Variants in GALNT13 observed in about 807,000 individuals in gnomAD.
GALNT13 encodes the protein UDP-GalNAc:polypeptide N-acetylgalactosaminyltransferase 13.
GALNT13 carries 28 observed loss-of-function variants against 64.2 expected under a neutral mutation model. The ratio of observed to expected loss-of-function variants is 0.44; its 90% CI spans 0.32 to 0.60. The LOEUF (loss-of-function observed/expected upper bound fraction) is 0.60, where lower values mean the gene tolerates loss of function less well. Ranked by LOEUF, GALNT13 falls within the 20% of genes least tolerant of loss-of-function variation. GALNT13 has a pLI of 0.05. For synonymous variants in GALNT13, 214 were observed against 224.6 expected, an observed-to-expected ratio of 0.95 and a Z score of 0.42; for missense variants, 577 against 669.8, an observed-to-expected ratio of 0.86 and a Z score of 1.53.
At chr2:153,671,326 A>G in the GALNT13 span, among the ~76,000 whole-genome samples, 1 of 152,174 alleles carries the variant, frequency 6.6e-6, no homozygotes, top group South Asian at 2.1e-4. Context: ...CCACAAAGGG[A>G]AGCTCGTCAG....
rs373307601 is a variant in GALNT13 at position 154,298,646 on chromosome 2, C to T, written c.976-2763C>T. 1.5e-4 allele frequency among the ~76,000 whole-genome samples: 2 copies of T among 13,400 alleles called. 1 individual carries two copies. Among genetic ancestry groups the T allele is most frequent in the African/African-American group, 8.8e-4 (2 of 2,264 alleles). The allele number at this position is 13,400 out of a possible 152,430, so 8.8% of individuals were successfully genotyped here. ...ACATTGTATATATAATTTATATATA[C>T]ATTGTATATACAATTTATATATACA... is the stretch of plus-strand genomic sequence containing the variant. On this transcript the variant is annotated intron_variant, in intron 8 of 12. Coordinates refer to ENST00000392825, the MANE Select transcript of GALNT13 (RefSeq NM_052917.4).
At chr2:153,588,793 T>C in the GALNT13 span, among the ~76,000 whole-genome samples, 1 of 152,206 alleles carries the variant, frequency 6.6e-6, no homozygotes, top group African/African-American at 2.4e-5. Flanking sequence ...TTTTCTGAAC[T>C]TTTATGCTGT....
intron 3 of GALNT13, among the ~76,000 whole-genome samples, chr2:154,130,331 AC>A (rs1682536979): frequency 6.6e-6 from 1 of 152,140 alleles, no homozygotes; most frequent in Non-Finnish European, 1.5e-5. Flanking sequence ...GAGGTCAGCA[AC>A]CCGAAGCAGA....
chr2:153,456,392 A>G, the GALNT13 span, among the ~76,000 whole-genome samples: 7 of 152,176 alleles, frequency 4.6e-5, no homozygotes, highest in African/African-American at 1.2e-4. Flanking sequence ...GATTTGATCT[A>G]TCCTCCAAAG....
chr2:153,442,323 T>G, the GALNT13 span, among the ~76,000 whole-genome samples: 1 of 152,216 alleles, frequency 6.6e-6, no homozygotes, highest in East Asian at 1.9e-4. Flanking sequence ...GATAAGTTTT[T>G]GATGTGCTGC....
At chr2:153,726,275 A>G in the GALNT13 span, among the ~76,000 whole-genome samples, 1 of 152,166 alleles carries the variant, frequency 6.6e-6, no homozygotes, top group Non-Finnish European at 1.5e-5. Context: ...TGAATGATTG[A>G]CTGAAATGTT....
At chr2:153,915,225 A>AT (rs944046522) in intron 2 of GALNT13, among the ~76,000 whole-genome samples, 5 of 151,976 alleles carry the variant, frequency 3.3e-5, no homozygotes, top group African/African-American at 7.2e-5. Flanking sequence ...GAATATGAGG[A>AT]TTTTTTTCAC....
chr2:154,301,387 C>T (rs1429761173), intron 8 of GALNT13, 22 bp from the exon 9 acceptor site: 2 of 1,594,464 alleles, frequency 1.3e-6, no homozygotes, highest in South Asian at 2.2e-5. Flanking sequence ...GCATTATTTA[C>T]AATGATTGTT....
At chr2:154,141,786 T>G (rs1323001959) in intron 4 of GALNT13, among the ~76,000 whole-genome samples, 1 of 152,208 alleles carries the variant, frequency 6.6e-6, no homozygotes, top group Non-Finnish European at 1.5e-5. Flanking sequence ...CAATTTATAC[T>G]GCTGTTTATA....
At chr2:154,161,604 C>T (rs1684725840) in intron 4 of GALNT13, among the ~76,000 whole-genome samples, 1 of 152,054 alleles carries the variant, frequency 6.6e-6, no homozygotes. Context: ...CTCAAGAACT[C>T]AAGGAATAAA....
chr2:153,520,723 C>T, the GALNT13 span, among the ~76,000 whole-genome samples: 1 of 152,176 alleles, frequency 6.6e-6, no homozygotes, highest in African/African-American at 2.4e-5. Context: ...AAGACATTTT[C>T]TCTTCTATTT....
the GALNT13 span, among the ~76,000 whole-genome samples, chr2:153,763,018 C>T: frequency 6.6e-6 from 1 of 151,764 alleles, no homozygotes; most frequent in South Asian, 2.1e-4. Context: ...AGTTACAAAA[C>T]TCTACACTTT....
At chr2:153,222,963 C>G in the GALNT13 span, among the ~76,000 whole-genome samples, 2 of 152,176 alleles carry the variant, frequency 1.3e-5, no homozygotes, top group Non-Finnish European at 2.9e-5. Context: ...CCTCCTGCCC[C>G]CTGACTCGGT....
chr2:153,700,232 A>G, the GALNT13 span, among the ~76,000 whole-genome samples: 1 of 152,234 alleles, frequency 6.6e-6, no homozygotes, highest in South Asian at 2.1e-4. Context: ...AAACAGAACC[A>G]ATGACAAAAA....
At chr2:153,734,162 G>C in the GALNT13 span, among the ~76,000 whole-genome samples, 1 of 152,054 alleles carries the variant, frequency 6.6e-6, no homozygotes, top group Non-Finnish European at 1.5e-5. Flanking sequence ...ACACTCAAAG[G>C]TGCTTGTTTT....
intron 9 of GALNT13, among the ~76,000 whole-genome samples, chr2:154,315,057 A>G (rs1008352134): frequency 6.6e-5 from 10 of 152,268 alleles, no homozygotes; most frequent in African/African-American, 2.2e-4. Flanking sequence ...TTCTCTACCA[A>G]ATAATAATAT....
the GALNT13 span, chr2:153,172,224 G>C: frequency 6.6e-6 from 1 of 152,088 alleles, no homozygotes; most frequent in Non-Finnish European, 1.5e-5. Flanking sequence ...TCTACCTGTG[G>C]GAGACTGTAT....
chr2:153,580,994 A>T, the GALNT13 span, among the ~76,000 whole-genome samples: 1 of 152,180 alleles, frequency 6.6e-6, no homozygotes, highest in East Asian at 1.9e-4. Context: ...TCACTGGTAT[A>T]ATCCAGATTC....
Position 153,873,031 on chromosome 2 carries a change from C to T in GALNT13, c.-177+728C>T, listed in dbSNP as rs572565825. The stretch of plus-strand genomic sequence containing the variant: ...TCTTTCCTTTTGTCTCTCCGTTTTG[C>T]AACATTTGTTCTCTTTCTGTGTCTG... On this transcript the variant is annotated intron_variant, in intron 1 of 12. Transcript: ENST00000392825. Among the ~76,000 whole-genome samples the T allele has an allele frequency of 2.0e-5, 3 of 152,264 alleles. No individual in the cohort carries two copies. In the East Asian group the frequency reaches 5.8e-4, roughly 29 times the overall value.
Sources: allele counts gnomAD v4.1 joint callset (sites outside exome capture counted in the v4.1 genomes callset), GRCh38; gene constraint gnomAD v4.1.1; transcripts MANE v1.5; gene names NCBI Gene and HGNC (gene_info 2026-07-23, HGNC 2026-07-21).